The following FHOD3 variants were observed in gnomAD, a reference collection of about 807,000 sequenced individuals.
FHOD3 encodes the protein FH1/FH2 domain-containing protein 3.
Under a neutral mutation model 173.0 loss-of-function variants are expected in FHOD3, and 90 were observed. That is an observed-to-expected ratio of 0.52 (90% CI 0.44 to 0.62). The LOEUF is 0.62. Among genes scored for constraint, FHOD3 ranks in the 20% least tolerant of loss-of-function variants. FHOD3 has a pLI of 0.00. For missense variants in FHOD3, 1,945 were observed against 2,034.7 expected (o/e 0.96, Z 0.85); for synonymous variants, 828 against 823.0 (o/e 1.01, Z -0.10).
At chr18:36,418,122 A>G (rs914411842) in intron 3 of FHOD3, among the ~76,000 whole-genome samples, 3 of 152,322 alleles carry the variant, frequency 2.0e-5, no homozygotes, top group African/African-American at 7.2e-5. Flanking sequence ...TGATTTGCTG[A>G]CACTCTTGCC....
chr18:36,383,717 C>T (rs1415099216), intron 3 of FHOD3, among the ~76,000 whole-genome samples: 2 of 152,222 alleles, frequency 1.3e-5, no homozygotes, highest in African/African-American at 4.8e-5. Context: ...CTCCTTTAAT[C>T]CAAACAGTAA....
chr18:36,554,097 GA>G (rs2057774050), intron 5 of FHOD3, among the ~76,000 whole-genome samples: 1 of 152,134 alleles, frequency 6.6e-6, no homozygotes, highest in Non-Finnish European at 1.5e-5. Context: ...CAAGGATCTA[GA>G]ACTAGAAACA....
At chr18:36,349,454 G>C (rs1274625373) in intron 1 of FHOD3, among the ~76,000 whole-genome samples, 1 of 152,196 alleles carries the variant, frequency 6.6e-6, no homozygotes, top group African/African-American at 2.4e-5. Context: ...AAGCACTTGC[G>C]CTTTCCATTA....
chr18:36,321,332 T>A (rs1203759835), intron 1 of FHOD3, among the ~76,000 whole-genome samples: 2 of 151,572 alleles, frequency 1.3e-5, no homozygotes, highest in African/African-American at 4.9e-5. Flanking sequence ...AGGAAGGTGG[T>A]CAGGTAAATA....
chr18:36,538,200 A>G (rs11662733), intron 5 of FHOD3, among the ~76,000 whole-genome samples: 47,470 of 152,130 alleles, frequency 0.31, 8,276 homozygotes, highest in Non-Finnish European at 0.4. Context: ...TGCTGAGGTG[A>G]CATTTTATAG....
chr18:36,437,032 G>T (rs1235330369), intron 3 of FHOD3, among the ~76,000 whole-genome samples: 3 of 152,152 alleles, frequency 2.0e-5, no homozygotes, highest in Non-Finnish European at 4.4e-5. Flanking sequence ...CAAGCAAAAG[G>T]TAAGCTAAGT....
chr18:36,521,497 C>G (rs532305612), intron 5 of FHOD3, among the ~76,000 whole-genome samples: 1 of 152,258 alleles, frequency 6.6e-6, no homozygotes, highest in South Asian at 2.1e-4. Context: ...CCTCCTAACC[C>G]CTTTCTCTCA....
At chr18:36,720,115 C>T (rs2040676795) in intron 19 of FHOD3, among the ~76,000 whole-genome samples, 2 of 152,062 alleles carry the variant, frequency 1.3e-5, no homozygotes, top group Non-Finnish European at 2.9e-5. Context: ...AGCTTTTGTC[C>T]TCTCCAGAAA....
At chr18:36,678,524 C>CAAAAAAAAAAAAAAAAAAAAAAAAAAAAA (rs58064190) in intron 14 of FHOD3, among the ~76,000 whole-genome samples, 1 of 71,154 alleles carries the variant, frequency 1.4e-5, no homozygotes, top group Non-Finnish European at 2.6e-5. Flanking sequence ...GACCCTGTCT[C>CAAAAAAAAAAAAAAAAAAAAAAAAAAAAA]AAAAAAAAAA....
intron 17 of FHOD3, among the ~76,000 whole-genome samples, chr18:36,706,599 G>A (rs2039893130): frequency 6.6e-6 from 1 of 152,202 alleles, no homozygotes; most frequent in African/African-American, 2.4e-5. Context: ...AGTCCTGCAT[G>A]TTCAGTGGAA....
intron 4 of FHOD3, among the ~76,000 whole-genome samples, chr18:36,505,618 G>C (rs1477914369): frequency 6.6e-6 from 1 of 152,168 alleles, no homozygotes; most frequent in African/African-American, 2.4e-5. Context: ...TTTAAGAAAA[G>C]ACACAACATT....
At position 36,745,196 on chromosome 18, in the gene FHOD3, G is replaced by C. The variant is rs575855204; in HGVS notation, c.4041+1003G>C. Among the ~76,000 whole-genome samples, 12 of 152,308 alleles carry C rather than the reference G, an allele frequency of 7.9e-5. No homozygotes were observed. In the East Asian group the frequency reaches 1.7e-3, roughly 22 times the overall value. Reference sequence around the variant, plus strand: ...CGAGAGCCTCCTCCACCTACCTCCAGAGCCACAGGCTGGCCTCTGCCAGGT... The same window carrying C: ...CGAGAGCCTCCTCCACCTACCTCCACAGCCACAGGCTGGCCTCTGCCAGGT... On this transcript the variant is annotated intron_variant, in intron 23 of 28. Coordinates refer to ENST00000590592, the MANE Select transcript of FHOD3 (RefSeq NM_001281740.3).
chr18:36,780,025 T>C lies in FHOD3; in HGVS notation c.*495T>C. 1.4e-6 allele frequency: 1 copy of C among 702,126 alleles called. No individual in the cohort carries two copies. The highest frequency in any genetic ancestry group is 2.0e-6 in the Non-Finnish European group (1 of 503,622). 43.5% of individuals were successfully genotyped at this position (702,126 alleles called of 1,614,324 possible). ...ACAAATACATACATGTACACCATGT[T>C]TCAAATACTAAATAAATAGAGTTTA... is the stretch of plus-strand genomic sequence containing the variant. On this transcript the variant is annotated 3_prime_UTR_variant, in exon 29 of 29. Transcript: ENST00000590592.
intron 6 of FHOD3, among the ~76,000 whole-genome samples, chr18:36,587,714 C>A (rs1268493953): frequency 6.6e-6 from 1 of 152,104 alleles, no homozygotes; most frequent in Non-Finnish European, 1.5e-5. Context: ...TTGCTTGAAC[C>A]CTCGAGGTGG....
At chr18:36,453,948 A>G (rs898556221) in intron 3 of FHOD3, among the ~76,000 whole-genome samples, 6 of 152,212 alleles carry the variant, frequency 3.9e-5, no homozygotes, top group Non-Finnish European at 8.8e-5. Context: ...TGGTTTGAGC[A>G]ATTCTTACTG....
At chr18:36,436,033 T>C (rs9964004) in intron 3 of FHOD3, among the ~76,000 whole-genome samples, 58 of 152,108 alleles carry the variant, frequency 3.8e-4, no homozygotes, top group African/African-American at 1.4e-3. Context: ...AAAAATGTCA[T>C]CCAAACTAAA....
intron 17 of FHOD3, among the ~76,000 whole-genome samples, chr18:36,697,692 A>C (rs1255238499): frequency 1.3e-5 from 2 of 152,216 alleles, no homozygotes; most frequent in Non-Finnish European, 2.9e-5. Flanking sequence ...ATTATTGACA[A>C]AGGTTAATGA....
chr18:36,540,144 AAG>A (rs1239244036), intron 5 of FHOD3, among the ~76,000 whole-genome samples: 1 of 152,186 alleles, frequency 6.6e-6, no homozygotes, highest in Non-Finnish European at 1.5e-5. Context: ...TAGGGCCTTT[AAG>A]AGGGGAAAAT....
intron 3 of FHOD3, among the ~76,000 whole-genome samples, chr18:36,383,905 A>G (rs1010619888): frequency 6.6e-6 from 1 of 152,104 alleles, no homozygotes; most frequent in East Asian, 1.9e-4. Flanking sequence ...TACCTCCAAT[A>G]ACACTAGCTG....
Sources: allele counts gnomAD v4.1 joint callset (sites outside exome capture counted in the v4.1 genomes callset), GRCh38; gene constraint gnomAD v4.1.1; transcripts MANE v1.5; gene names NCBI Gene and HGNC (gene_info 2026-07-23, HGNC 2026-07-21).